HYDIN: variants seen among roughly 807,000 people sequenced by gnomAD.
HYDIN encodes axonemal central pair apparatus protein HYDIN.
HYDIN carries 132 observed loss-of-function variants against 403.9 expected under a neutral mutation model. That is an observed-to-expected ratio of 0.33 (90% confidence interval 0.28 to 0.38). HYDIN has a LOEUF of 0.38. Ranked by LOEUF, HYDIN falls within the 10% of genes least tolerant of loss-of-function variation. The pLI, the probability that HYDIN is intolerant of heterozygous loss-of-function variation, is 1.00. For missense variants in HYDIN, 2,827 were observed against 5,009.5 expected (o/e 0.56, Z 13.15); for synonymous variants, 1,202 against 1,891.7 (o/e 0.64, Z 9.46).
chr16:70,877,764 G>A (rs868004610), intron 62 of HYDIN, among the ~76,000 whole-genome samples: 10 of 152,094 alleles, frequency 6.6e-5, no homozygotes, highest in Non-Finnish European at 1.5e-4. Flanking sequence ...TCTGTGGCCT[G>A]GGGGTTGGGG....
intron 65 of HYDIN, among the ~76,000 whole-genome samples, chr16:70,869,852 C>T (rs999236269): frequency 3.1e-4 from 47 of 152,150 alleles, no homozygotes; most frequent in Non-Finnish European, 6.0e-4. Context: ...GAGGTTGGAA[C>T]TGTTTGGAGG....
intron 5 of HYDIN, among the ~76,000 whole-genome samples, chr16:71,174,238 C>G (rs773843812): frequency 6.6e-6 from 1 of 152,174 alleles, no homozygotes; most frequent in South Asian, 2.1e-4. Flanking sequence ...AATTTTTAAC[C>G]ACTCACCACA....
At chr16:70,811,770 T>C (rs1004254625) in intron 84 of HYDIN, among the ~76,000 whole-genome samples, 8 of 151,736 alleles carry the variant, frequency 5.3e-5, no homozygotes, top group Admixed American at 1.3e-4. Context: ...GGCAGGAGAA[T>C]TGCTTGAACT....
At chr16:70,974,490 A>C in intron 32 of HYDIN, 44 bp downstream of exon 32, 1 of 1,519,330 alleles carries the variant, frequency 6.6e-7, no homozygotes, top group Non-Finnish European at 8.9e-7. Context: ...TCCTTGAGAG[A>C]AATGACCAAG....
At chr16:70,864,291 A>T (rs1449899806) in intron 67 of HYDIN, among the ~76,000 whole-genome samples, 3 of 81,994 alleles carry the variant, frequency 3.7e-5, no homozygotes, top group Non-Finnish European at 4.3e-5. Flanking sequence ...AGATCGCACC[A>T]TTGCACTCCA....
At chr16:70,967,157 AG>A (rs1305370343) in intron 36 of HYDIN, among the ~76,000 whole-genome samples, 4 of 152,050 alleles carry the variant, frequency 2.6e-5, no homozygotes, top group Non-Finnish European at 5.9e-5. Context: ...AGCTCAAGGT[AG>A]GGCAGCAGGG....
At chr16:70,925,452 A>G (rs1270131726) in intron 45 of HYDIN, among the ~76,000 whole-genome samples, 3 of 152,250 alleles carry the variant, frequency 2.0e-5, no homozygotes, top group Admixed American at 2.0e-4. Flanking sequence ...CTTATACAAA[A>G]ATCAATTCAA....
intron 69 of HYDIN, among the ~76,000 whole-genome samples, chr16:70,861,217 T>C (rs1184723415): frequency 2.0e-5 from 3 of 152,236 alleles, no homozygotes; most frequent in Non-Finnish European, 4.4e-5. Context: ...TAGTGGGATA[T>C]GGAAAGTGAC....
At chr16:70,849,275 G>A (rs10163205) in intron 75 of HYDIN, among the ~76,000 whole-genome samples, 7 of 151,854 alleles carry the variant, frequency 4.6e-5, no homozygotes, top group South Asian at 2.1e-4. Context: ...TAAATACTCC[G>A]AGAATTGTTG....
intron 18 of HYDIN, 53 bp downstream of exon 18, chr16:71,060,451 T>C (rs2082041837): frequency 3.4e-6 from 2 of 594,448 alleles, no homozygotes; most frequent in Non-Finnish European, 6.1e-6. Context: ...GTTGCAAAAA[T>C]AGGGCCATTG....
chr16:71,153,419 C>T (rs1387395814), intron 6 of HYDIN, among the ~76,000 whole-genome samples: 6 of 150,762 alleles, frequency 4.0e-5, no homozygotes, highest in Non-Finnish European at 8.9e-5. Context: ...GTAACAGTAG[C>T]GCTGCCACAA....
At chr16:71,116,230 C>CTTTTTTTTT (rs3051996) in intron 9 of HYDIN, among the ~76,000 whole-genome samples, 1 of 97,824 alleles carries the variant, frequency 1.0e-5, no homozygotes, top group Non-Finnish European at 1.9e-5. Flanking sequence ...TGAGTTAGAC[C>CTTTTTTTTT]TTTTTTTTTT....
chr16:70,855,442 C>T (rs1597133581), intron 72 of HYDIN, among the ~76,000 whole-genome samples, 167 bp from the exon 73 acceptor site: 1 of 152,308 alleles, frequency 6.6e-6, no homozygotes, highest in South Asian at 2.1e-4. Flanking sequence ...TTCCTTCTTT[C>T]GGGGATTCCA....
chr16:71,203,171 G>A (rs2088111133), intron 1 of HYDIN, among the ~76,000 whole-genome samples: 1 of 152,142 alleles, frequency 6.6e-6, no homozygotes, highest in African/African-American at 2.4e-5. Flanking sequence ...ATGGAAGGAG[G>A]TAAGAAAGAT....
chr16:71,120,790 T>C (rs1597823626), intron 9 of HYDIN, among the ~76,000 whole-genome samples: 1 of 151,998 alleles, frequency 6.6e-6, no homozygotes, highest in Non-Finnish European at 1.5e-5. Flanking sequence ...GAGACTTATA[T>C]ACATATGTAA....
chr16:70,807,667 G>A lies in HYDIN; in HGVS notation c.15279C>T (p.Thr5093=), dbSNP rs756736917. ...GNPSGSKTPI[T]TKLTVSCPPG... ...GAGGGCAGCTCACAGTCAGCTTGGT[G>A]GTGATGGGGGTTTTGCTGCCAGATG... Residue 5093 remains threonine (T), a synonymous_variant, in exon 86 of 86, where the codon ACC becomes ACT. Coordinates refer to ENST00000393567, the MANE Select transcript of HYDIN (RefSeq NM_001270974.2). 24 of 1,614,132 alleles carry A rather than the reference G, an allele frequency of 1.5e-5. No homozygotes were observed. The Admixed American group carries it at 2.7e-4, about 18-fold the overall frequency.
Position 70,894,441 on chromosome 16 carries a change from C to A in HYDIN, c.9248+8G>T, listed in dbSNP as rs2041672197. Reference sequence around the variant, plus strand: ...TGATGGCCTTACATCTGATGGGATTCCAGTTACCTGAACGCGATCTCATAT... The same window carrying A: ...TGATGGCCTTACATCTGATGGGATTACAGTTACCTGAACGCGATCTCATAT... On this transcript the variant is annotated splice_region_variant and intron_variant, in intron 55 of 85. Coordinates refer to ENST00000393567, the MANE Select transcript of HYDIN (RefSeq NM_001270974.2). 8 of 1,603,234 alleles carry A rather than the reference C, an allele frequency of 5.0e-6. No individual in the cohort carries two copies. Among genetic ancestry groups the A allele is most frequent in the East Asian group, 2.2e-5 (1 of 44,824 alleles).
At chr16:71,213,974 C>G (rs2088734926) in intron 1 of HYDIN, among the ~76,000 whole-genome samples, 1 of 151,688 alleles carries the variant, frequency 6.6e-6, no homozygotes, top group Admixed American at 6.6e-5. Context: ...AAGGAAAGGA[C>G]AAAACAAAAC....
Position 71,065,226 on chromosome 16 carries a change from G to A in HYDIN, c.2076-386C>T, listed in dbSNP as rs1329172116. 2.0e-5 allele frequency among the ~76,000 whole-genome samples: 3 copies of A among 152,150 alleles called. No individual in the cohort carries two copies. In the East Asian group the frequency reaches 5.8e-4, roughly 29 times the overall value. On this transcript the variant is annotated intron_variant, in intron 15 of 85. Transcript: ENST00000393567. ...TGGTCCTAACTAGCTGTGACACTTT[G>A]GACCAGTCAGAAAGCCCCCCAAGGA...
Sources: allele counts gnomAD v4.1 joint callset (sites outside exome capture counted in the v4.1 genomes callset), GRCh38; gene constraint gnomAD v4.1.1; transcripts MANE v1.5; gene names NCBI Gene and HGNC (gene_info 2026-07-23, HGNC 2026-07-21).